RBFOX1: variants seen among roughly 807,000 people sequenced by gnomAD.
RBFOX1 encodes RNA binding fox-1 homolog 1, also known as RNA binding protein fox-1 homolog 1.
Under a neutral mutation model 57.7 loss-of-function variants are expected in RBFOX1, and 8 were observed. The ratio of observed to expected loss-of-function variants is 0.14; its 90% CI spans 0.08 to 0.25. The LOEUF (loss-of-function observed/expected upper bound fraction) is 0.25, where lower values mean the gene tolerates loss of function less well. RBFOX1 is among the 10% of genes least tolerant of loss of function. The probability of loss-of-function intolerance (pLI) is 1.00; values close to 1 mark genes in which losing one functional copy is unlikely to be tolerated. For synonymous variants in RBFOX1, 326 were observed against 222.4 expected, an observed-to-expected ratio of 1.47 and a Z score of -4.15; for missense variants, 611 against 548.5, an observed-to-expected ratio of 1.11 and a Z score of -1.14.
At chr16:7,698,961 C>A (rs902522751) in intron 14 of RBFOX1, among the ~76,000 whole-genome samples, 1 of 152,078 alleles carries the variant, frequency 6.6e-6, no homozygotes, top group African/African-American at 2.4e-5. Context: ...TCCATGCATG[C>A]AGAATTTTAA....
At chr16:7,051,267 C>A (rs936173571) in intron 3 of RBFOX1, among the ~76,000 whole-genome samples, 4 of 152,172 alleles carry the variant, frequency 2.6e-5, no homozygotes, top group African/African-American at 9.7e-5. Context: ...TCTATGTGTT[C>A]CTTTTTATTT....
At chr16:5,642,142 T>A (rs1414077672) in intron 3 of RBFOX1, among the ~76,000 whole-genome samples, 1 of 152,116 alleles carries the variant, frequency 6.6e-6, no homozygotes, top group Non-Finnish European at 1.5e-5. Flanking sequence ...GTGATTCACT[T>A]TAGAGGCCAT....
chr16:7,062,339 GA>G (rs1293515104), intron 4 of RBFOX1, among the ~76,000 whole-genome samples: 149 of 113,586 alleles, frequency 1.3e-3, no homozygotes, highest in African/African-American at 4.8e-3. Flanking sequence ...AAAAAAAAAA[GA>G]AAAGAAAAAA....
intron 1 of RBFOX1, among the ~76,000 whole-genome samples, chr16:6,236,141 C>CT (rs528443875): frequency 6.6e-6 from 1 of 152,188 alleles, no homozygotes; most frequent in South Asian, 2.1e-4. Context: ...ATATTCCATA[C>CT]TTTATTTTTC....
chr16:6,273,023 G>C (rs2075373124), intron 1 of RBFOX1, among the ~76,000 whole-genome samples: 2 of 152,114 alleles, frequency 1.3e-5, no homozygotes, highest in Non-Finnish European at 2.9e-5. Context: ...ACTTTGGGAG[G>C]CTGAGGCAGG....
At chr16:6,910,127 G>C (rs975788912) in intron 3 of RBFOX1, among the ~76,000 whole-genome samples, 1 of 152,034 alleles carries the variant, frequency 6.6e-6, no homozygotes, top group Non-Finnish European at 1.5e-5. Flanking sequence ...CGTGCAAAGA[G>C]ATTGGGCATT....
chr16:5,644,805 G>A (rs2048994164), intron 3 of RBFOX1, among the ~76,000 whole-genome samples: 1 of 152,166 alleles, frequency 6.6e-6, no homozygotes, highest in African/African-American at 2.4e-5. Context: ...GGACATTTGG[G>A]TTATTTGTAC....
intron 4 of RBFOX1, among the ~76,000 whole-genome samples, chr16:5,980,052 A>G (rs753564802): frequency 3.3e-5 from 5 of 152,280 alleles, no homozygotes; most frequent in Non-Finnish European, 7.4e-5. Flanking sequence ...AAGTCTTCCA[A>G]TCAGCTCCAC....
chr16:6,578,612 T>TGTGTGTGTGG (rs373655762), intron 2 of RBFOX1, among the ~76,000 whole-genome samples: 9 of 147,002 alleles, frequency 6.1e-5, no homozygotes. Flanking sequence ...TGTGTGTGTG[T>TGTGTGTGTGG]GAGCATGGGA....
In RBFOX1 at chr16:5,909,090, C is replaced by CTTTTTTTTT. The variant is rs3041577; in HGVS notation, c.351+41767_351+41775dup. ...ATCGGCTCCAACAGACTAAGCCCCC[C>CTTTTTTTTT]TTTTTTTTTTTTTTTTTTTTGAGAC... On this transcript the variant is annotated intron_variant, in intron 4 of 19. Transcript: ENST00000641259. Among the ~76,000 whole-genome samples the CTTTTTTTTT allele has an allele frequency of 2.7e-4, 32 of 116,382 alleles. 5 individuals carry two copies. The South Asian group carries it at 6.4e-3, about 23-fold the overall frequency. 76.4% of individuals were successfully genotyped at this position (116,382 alleles called of 152,430 possible).
chr16:7,390,831 C>T (rs1320862619), intron 4 of RBFOX1, among the ~76,000 whole-genome samples: 3 of 152,030 alleles, frequency 2.0e-5, no homozygotes, highest in Admixed American at 6.5e-5. Context: ...CAGATTCCAA[C>T]AATCGAGTTG....
intron 2 of RBFOX1, among the ~76,000 whole-genome samples, chr16:6,533,667 G>C (rs1382274161): frequency 6.6e-6 from 1 of 152,052 alleles, no homozygotes; most frequent in Non-Finnish European, 1.5e-5. Flanking sequence ...TGGACCTACT[G>C]GATGCTGGAA....
At chr16:5,384,763 C>G (rs1192919715) in intron 1 of RBFOX1, among the ~76,000 whole-genome samples, 1 of 152,176 alleles carries the variant, frequency 6.6e-6, no homozygotes, top group African/African-American at 2.4e-5. Flanking sequence ...ACTAGAGACT[C>G]TAGGGCCAGC....
rs761394862 is a variant in RBFOX1 at position 6,351,372 on chromosome 16, A to ATTTTT, written c.-64+34326_-64+34330dup. Among the ~76,000 whole-genome samples, 3 of 86,432 alleles carry ATTTTT rather than the reference A, an allele frequency of 3.5e-5. 1 individual carries two copies. Among genetic ancestry groups the ATTTTT allele is most frequent in the African/African-American group, 5.1e-5 (1 of 19,542 alleles). The allele number at this position is 86,432 out of a possible 152,430, so 56.7% of individuals were successfully genotyped here. A position where few individuals can be genotyped will look rare whatever the true frequency, so the allele number is the denominator to read the frequency against. On this transcript the variant is annotated intron_variant, in intron 2 of 15. Coordinates refer to ENST00000550418, the MANE Select transcript of RBFOX1 (RefSeq NM_018723.4). ...TGTGTGTATATATATATATATATAT[A>ATTTTT]TTTTTTTTTTTTTTTCTTGAGGCAG...
At chr16:7,414,026 T>A (rs2098455887) in intron 4 of RBFOX1, among the ~76,000 whole-genome samples, 1 of 152,196 alleles carries the variant, frequency 6.6e-6, no homozygotes. Flanking sequence ...AGGTGCAGAG[T>A]CCTGACCCTG....
At chr16:6,854,807 G>C (rs1418055578) in intron 3 of RBFOX1, among the ~76,000 whole-genome samples, 1 of 151,926 alleles carries the variant, frequency 6.6e-6, no homozygotes, top group African/African-American at 2.4e-5. Flanking sequence ...TGTTAGCCAG[G>C]ATGGTCTGCA....
chr16:7,057,224 G>A (rs2052614147), intron 4 of RBFOX1, among the ~76,000 whole-genome samples: 1 of 152,110 alleles, frequency 6.6e-6, no homozygotes, highest in African/African-American at 2.4e-5. Flanking sequence ...TTGATTTCAT[G>A]GTGAAGTATT....
chr16:6,217,174 C>CTTTTTTTTTTTTTTTTTTTTTTT (rs71142697), intron 1 of RBFOX1, among the ~76,000 whole-genome samples: 5 of 119,060 alleles, frequency 4.2e-5, no homozygotes, highest in Admixed American at 9.7e-5. Flanking sequence ...TTAGGGGATT[C>CTTTTTTTTTTTTTTTTTTTTTTT]TTTTTTTTTT....
At chr16:6,613,799 G>A (rs1436814649) in intron 2 of RBFOX1, among the ~76,000 whole-genome samples, 1 of 152,202 alleles carries the variant, frequency 6.6e-6, no homozygotes, top group African/African-American at 2.4e-5. Context: ...TTAGCCGGGT[G>A]TGGTGGTGTG....
Sources: allele counts gnomAD v4.1 joint callset (sites outside exome capture counted in the v4.1 genomes callset), GRCh38; gene constraint gnomAD v4.1.1; transcripts MANE v1.5; gene names NCBI Gene and HGNC (gene_info 2026-07-23, HGNC 2026-07-21).